Variants in SHISA9 observed in about 807,000 individuals in gnomAD.
The protein encoded by SHISA9 is shisa family member 9.
Under a neutral mutation model 38.0 loss-of-function variants are expected in SHISA9, and 13 were observed. The ratio of observed to expected loss-of-function variants is 0.34; its 90% CI spans 0.22 to 0.54. The LOEUF is 0.54. Ranked by LOEUF, SHISA9 falls within the 20% of genes least tolerant of loss-of-function variation. The pLI is 0.91. For synonymous variants in SHISA9, 275 were observed against 242.0 expected (o/e 1.14, Z -1.27); for missense variants, 538 against 575.8 (o/e 0.93, Z 0.67).
the SHISA9 span, among the ~76,000 whole-genome samples, chr16:13,394,546 A>G: frequency 6.6e-6 from 1 of 151,634 alleles, no homozygotes; most frequent in African/African-American, 2.4e-5. Flanking sequence ...CTCTTCCTCC[A>G]TCCCTGCCCT....
chr16:13,446,188 G>T, the SHISA9 span, among the ~76,000 whole-genome samples: 262 of 152,014 alleles, frequency 1.7e-3, no homozygotes, highest in African/African-American at 4.8e-3. Flanking sequence ...CTCGTGATCT[G>T]CCAGCCTCAG....
intron 2 of SHISA9, among the ~76,000 whole-genome samples, chr16:13,190,004 G>A (rs7191106): frequency 0.14 from 21,149 of 152,044 alleles, 1,668 homozygotes; most frequent in Middle Eastern, 0.24. Flanking sequence ...ATTGAGTGAA[G>A]GGGCAAACAT....
intron 2 of SHISA9, among the ~76,000 whole-genome samples, chr16:12,928,040 C>T (rs1175672781): frequency 6.6e-6 from 1 of 152,182 alleles, no homozygotes; most frequent in East Asian, 1.9e-4. Flanking sequence ...GCTTTCATTT[C>T]ACAAAAGATA....
chr16:13,115,016 A>G (rs1016148155), intron 2 of SHISA9, among the ~76,000 whole-genome samples: 1 of 151,496 alleles, frequency 6.6e-6, no homozygotes, highest in African/African-American at 2.4e-5. Flanking sequence ...ATGATTATCT[A>G]TTTATCCATC....
At chr16:13,339,732 G>A in the SHISA9 span, among the ~76,000 whole-genome samples, 2 of 152,134 alleles carry the variant, frequency 1.3e-5, no homozygotes, top group Non-Finnish European at 2.9e-5. Flanking sequence ...TGAGGTTCGA[G>A]TTAAAGGCTC....
chr16:13,490,874 T>C, the SHISA9 span, among the ~76,000 whole-genome samples: 1 of 152,242 alleles, frequency 6.6e-6, no homozygotes, highest in African/African-American at 2.4e-5. Context: ...TATTCTCTGC[T>C]TTTCACTATT....
chr16:13,342,501 G>C, the SHISA9 span, among the ~76,000 whole-genome samples: 3 of 152,200 alleles, frequency 2.0e-5, no homozygotes, highest in East Asian at 5.8e-4. Flanking sequence ...GGTCAGACTG[G>C]TCTCAAACTC....
chr16:13,422,724 A>G, the SHISA9 span, among the ~76,000 whole-genome samples: 1 of 152,012 alleles, frequency 6.6e-6, no homozygotes, highest in Non-Finnish European at 1.5e-5. Context: ...CAAAGAAACA[A>G]ACAAACAAAA....
At chr16:13,479,926 A>T in the SHISA9 span, among the ~76,000 whole-genome samples, 1 of 152,230 alleles carries the variant, frequency 6.6e-6, no homozygotes, top group Non-Finnish European at 1.5e-5. Flanking sequence ...GTCTGTTAAG[A>T]CAAGATGGCT....
At chr16:13,279,254 G>A in the SHISA9 span, among the ~76,000 whole-genome samples, 5 of 151,876 alleles carry the variant, frequency 3.3e-5, no homozygotes, top group Non-Finnish European at 7.4e-5. Flanking sequence ...GTCTGAGAGA[G>A]CGCTTGACAT....
At chr16:13,536,651 C>T in the SHISA9 span, among the ~76,000 whole-genome samples, 1 of 152,104 alleles carries the variant, frequency 6.6e-6, no homozygotes. Flanking sequence ...GAAGGTGTTT[C>T]AGAAAGAAGA....
the SHISA9 span, among the ~76,000 whole-genome samples, chr16:13,343,010 A>T: frequency 6.6e-6 from 1 of 152,246 alleles, no homozygotes; most frequent in Non-Finnish European, 1.5e-5. Context: ...TGTAAAGATT[A>T]AGAGTTAATA....
chr16:13,295,303 G>A, the SHISA9 span, among the ~76,000 whole-genome samples: 1 of 152,182 alleles, frequency 6.6e-6, no homozygotes, highest in African/African-American at 2.4e-5. Flanking sequence ...ACCATTATCT[G>A]ACCGAAAGAG....
intron 1 of SHISA9, chr16:12,908,610 A>T: frequency 6.4e-7 from 1 of 1,551,474 alleles, no homozygotes; most frequent in Non-Finnish European, 8.7e-7. Flanking sequence ...GCTAGGCTGC[A>T]CTGCGTTTGA....
rs4781369 is a variant in SHISA9 at position 12,978,034 on chromosome 16, A to C, written c.691+61219A>C. 1.7e-3 allele frequency among the ~76,000 whole-genome samples: 260 copies of C among 152,028 alleles called. 1 individual carries two copies. The highest frequency in any genetic ancestry group is 2.9e-3 in the Non-Finnish European group (200 of 67,984). On this transcript the variant is annotated intron_variant, in intron 2 of 4. Transcript: ENST00000558583. ...AATGAGAAGTGAAGTGGGTGAATAAAGATGGGGGAGAGGTAGGATTTTTGC... is the reference window on the plus strand; with the variant it reads ...AATGAGAAGTGAAGTGGGTGAATAACGATGGGGGAGAGGTAGGATTTTTGC...
At chr16:13,057,132 C>T (rs1671807455) in intron 2 of SHISA9, among the ~76,000 whole-genome samples, 1 of 152,212 alleles carries the variant, frequency 6.6e-6, no homozygotes. Context: ...TAATGCCCTT[C>T]CTGCCTGGGG....
At chr16:13,556,487 C>G in the SHISA9 span, among the ~76,000 whole-genome samples, 2 of 151,932 alleles carry the variant, frequency 1.3e-5, no homozygotes, top group Non-Finnish European at 2.9e-5. Flanking sequence ...GGTGAAACCC[C>G]GTCTCTACTA....
intron 2 of SHISA9, among the ~76,000 whole-genome samples, chr16:13,140,820 A>G (rs1049523359): frequency 7.9e-5 from 12 of 152,222 alleles, no homozygotes; most frequent in African/African-American, 2.9e-4. Flanking sequence ...GAAACACCCA[A>G]TAACTAGACT....
intron 2 of SHISA9, among the ~76,000 whole-genome samples, chr16:13,053,290 A>G (rs923739205): frequency 2.6e-5 from 4 of 151,794 alleles, no homozygotes; most frequent in Admixed American, 2.6e-4. Context: ...TCTGCATTCA[A>G]TCCTTCATCA....
Sources: allele counts gnomAD v4.1 joint callset (sites outside exome capture counted in the v4.1 genomes callset), GRCh38; gene constraint gnomAD v4.1.1; transcripts MANE v1.5; gene names NCBI Gene and HGNC (gene_info 2026-07-23, HGNC 2026-07-21).